Variants in SLC35F3 observed in about 807,000 individuals in gnomAD.
The protein encoded by SLC35F3 is putative thiamine transporter SLC35F3.
In SLC35F3, 25 loss-of-function variants were observed where a neutral mutation model predicts 49.9. The ratio of observed to expected loss-of-function variants is 0.50; its 90% CI spans 0.37 to 0.70. SLC35F3 has a LOEUF of 0.70. SLC35F3 is among the 30% of genes least tolerant of loss of function. SLC35F3 has a pLI of 0.00. For synonymous variants in SLC35F3, 275 were observed against 265.4 expected (o/e 1.04, Z -0.35); for missense variants, 525 against 639.8 (o/e 0.82, Z 1.94).
chr1:234,247,243 CTA>C (rs1363498526), intron 3 of SLC35F3, among the ~76,000 whole-genome samples: 1 of 152,236 alleles, frequency 6.6e-6, no homozygotes, highest in African/African-American at 2.4e-5. Context: ...ATGCATGTGT[CTA>C]TGTGTGCATA....
At chr1:234,244,696 T>C (rs1667604356) in intron 3 of SLC35F3, among the ~76,000 whole-genome samples, 1 of 152,054 alleles carries the variant, frequency 6.6e-6, no homozygotes, top group African/African-American at 2.4e-5. Flanking sequence ...GCCATCTGAT[T>C]GAACTGAGAG....
intron 2 of SLC35F3, among the ~76,000 whole-genome samples, chr1:234,123,295 C>T (rs1572060454): frequency 1.3e-5 from 2 of 152,238 alleles, no homozygotes; most frequent in South Asian, 4.1e-4. Context: ...ATATCCTTTG[C>T]CCACTTTTTG....
intron 2 of SLC35F3, among the ~76,000 whole-genome samples, chr1:234,066,298 C>T (rs571959639): frequency 9.2e-5 from 14 of 152,172 alleles, no homozygotes; most frequent in Non-Finnish European, 2.1e-4. Context: ...TCCCATCTTA[C>T]TCCCAGGAGA....
chr1:234,011,800 A>T (rs1229962164), intron 2 of SLC35F3, among the ~76,000 whole-genome samples: 3 of 152,138 alleles, frequency 2.0e-5, no homozygotes, highest in East Asian at 1.9e-4. Context: ...TACACCCAAC[A>T]TTGGAGCACT....
chr1:234,004,992 G>C (rs1228901827), intron 2 of SLC35F3, among the ~76,000 whole-genome samples: 1 of 152,086 alleles, frequency 6.6e-6, no homozygotes, highest in Non-Finnish European at 1.5e-5. Context: ...ATTTTAAGGG[G>C]AGAATCTTAA....
At chr1:234,094,301 C>T (rs1195876300) in intron 2 of SLC35F3, among the ~76,000 whole-genome samples, 1 of 152,236 alleles carries the variant, frequency 6.6e-6, no homozygotes, top group African/African-American at 2.4e-5. Flanking sequence ...AAATGAAATT[C>T]AGCAGCAGAA....
intron 3 of SLC35F3, among the ~76,000 whole-genome samples, chr1:234,266,722 T>C (rs1667984390): frequency 6.6e-6 from 1 of 152,174 alleles, no homozygotes; most frequent in Non-Finnish European, 1.5e-5. Context: ...TACTGAATAC[T>C]GTAGACAACT....
At chr1:233,999,592 G>A (rs974314289) in intron 2 of SLC35F3, among the ~76,000 whole-genome samples, 9 of 151,836 alleles carry the variant, frequency 5.9e-5, no homozygotes, top group Non-Finnish European at 2.9e-5. Context: ...TTCCTGTTTC[G>A]CTTCCCATCT....
chr1:234,183,571 G>A (rs773558811), intron 2 of SLC35F3, among the ~76,000 whole-genome samples: 1 of 142,616 alleles, frequency 7.0e-6, no homozygotes, highest in Non-Finnish European at 1.5e-5. Flanking sequence ...GCATAAATAC[G>A]TAGCAGGCTG....
intron 2 of SLC35F3, among the ~76,000 whole-genome samples, chr1:233,967,047 A>G (rs920698535): frequency 4.6e-5 from 7 of 152,228 alleles, no homozygotes; most frequent in South Asian, 2.1e-4. Flanking sequence ...GAGCAAATAG[A>G]AATACAGGGC....
intron 2 of SLC35F3, among the ~76,000 whole-genome samples, chr1:234,054,582 G>A (rs1032435841): frequency 1.5e-4 from 23 of 152,102 alleles, no homozygotes; most frequent in Non-Finnish European, 2.4e-4. Context: ...TGATGGGTTC[G>A]AACATTCTCC....
intron 2 of SLC35F3, among the ~76,000 whole-genome samples, chr1:234,168,510 A>G (rs1403219249): frequency 6.6e-6 from 1 of 152,266 alleles, no homozygotes; most frequent in African/African-American, 2.4e-5. Flanking sequence ...ATCATGCAGC[A>G]GAGTGCCTCT....
intron 3 of SLC35F3, among the ~76,000 whole-genome samples, chr1:234,279,443 A>G (rs1048667638): frequency 3.3e-5 from 5 of 152,180 alleles, no homozygotes; most frequent in African/African-American, 9.7e-5. Context: ...TAAAACAGAA[A>G]TCGGAAGACA....
intron 2 of SLC35F3, among the ~76,000 whole-genome samples, chr1:233,964,362 TTCAGAG>T (rs773614207): frequency 6.9e-4 from 105 of 152,244 alleles, no homozygotes; most frequent in Non-Finnish European, 1.3e-3. Flanking sequence ...GGATGAAGGT[TTCAGAG>T]TGCACCCTCA....
chr1:234,025,225 G>A (rs753462972), intron 2 of SLC35F3, among the ~76,000 whole-genome samples: 1 of 152,326 alleles, frequency 6.6e-6, no homozygotes, highest in Admixed American at 6.5e-5. Context: ...ACCACTGATG[G>A]GCATCTAGGT....
intron 3 of SLC35F3, among the ~76,000 whole-genome samples, chr1:234,275,449 A>G (rs1414049717): frequency 6.6e-6 from 1 of 152,160 alleles, no homozygotes; most frequent in Non-Finnish European, 1.5e-5. Context: ...TGAATTCCTT[A>G]TTTTATGTCA....
At chr1:233,982,885 G>T (rs911829426) in intron 2 of SLC35F3, among the ~76,000 whole-genome samples, 3 of 152,162 alleles carry the variant, frequency 2.0e-5, no homozygotes, top group African/African-American at 7.2e-5. Flanking sequence ...AGAACTGTGG[G>T]TGCTATGAGA....
intron 2 of SLC35F3, 120 bp downstream of exon 2, chr1:233,905,878 A>T: frequency 1.1e-6 from 1 of 943,878 alleles, no homozygotes; most frequent in South Asian, 1.7e-5. Flanking sequence ...CTGCCTGCTG[A>T]TACAGACCCA....
chr1:234,126,969 T>G (rs1327070852), intron 2 of SLC35F3, among the ~76,000 whole-genome samples: 3 of 152,202 alleles, frequency 2.0e-5, no homozygotes, highest in Non-Finnish European at 2.9e-5. Context: ...AGCACTGGGA[T>G]TACAGGCATG....
Sources: allele counts gnomAD v4.1 joint callset (sites outside exome capture counted in the v4.1 genomes callset), GRCh38; gene constraint gnomAD v4.1.1; transcripts MANE v1.5; gene names NCBI Gene and HGNC (gene_info 2026-07-23, HGNC 2026-07-21).